Variants in SSBP3 observed in about 807,000 individuals in gnomAD.
The protein encoded by SSBP3 is single-stranded DNA-binding protein 3.
Under a neutral mutation model 69.6 loss-of-function variants are expected in SSBP3, and 5 were observed. The ratio of observed to expected loss-of-function variants is 0.07; its 90% CI spans 0.04 to 0.15. SSBP3 has a LOEUF of 0.15. Ranked by LOEUF, SSBP3 falls within the 10% of genes least tolerant of loss-of-function variation. The probability of loss-of-function intolerance (pLI) is 1.00; values close to 1 mark genes in which losing one functional copy is unlikely to be tolerated. For synonymous variants in SSBP3, 196 were observed against 193.4 expected, an observed-to-expected ratio of 1.01 and a Z score of -0.11; for missense variants, 312 against 534.0, an observed-to-expected ratio of 0.58 and a Z score of 4.10.
At chr1:54,242,632 C>G (rs1004754287) in intron 10 of SSBP3, among the ~76,000 whole-genome samples, 2 of 152,072 alleles carry the variant, frequency 1.3e-5, no homozygotes, top group African/African-American at 4.8e-5. Context: ...CCTTGGTGAC[C>G]TCATCTGTAA....
At chr1:54,228,699 G>A in intron 15 of SSBP3, 49 bp downstream of exon 15, 10 of 1,546,272 alleles carry the variant, frequency 6.5e-6, no homozygotes, top group African/African-American at 1.4e-5. Flanking sequence ...GAGGCACAGA[G>A]CTGGCTGCCC....
At chr1:54,245,512 T>C (rs943463541) in intron 9 of SSBP3, among the ~76,000 whole-genome samples, 7 of 152,108 alleles carry the variant, frequency 4.6e-5, no homozygotes, top group Non-Finnish European at 8.8e-5. Context: ...CATCCAGGGA[T>C]CATCTTCCAA....
intron 4 of SSBP3, among the ~76,000 whole-genome samples, chr1:54,342,992 G>A (rs1028772995): frequency 6.6e-6 from 1 of 152,168 alleles, no homozygotes; most frequent in Non-Finnish European, 1.5e-5. Flanking sequence ...AGCAAAACAC[G>A]CCAGCCGGGA....
At chr1:54,291,010 A>G (rs1348956421) in intron 4 of SSBP3, among the ~76,000 whole-genome samples, 1 of 152,228 alleles carries the variant, frequency 6.6e-6, no homozygotes, top group Non-Finnish European at 1.5e-5. Context: ...GGCCAGTGAC[A>G]GCTCCTTAAC....
chr1:54,367,269 C>T (rs1309421131), intron 4 of SSBP3, among the ~76,000 whole-genome samples: 3 of 152,180 alleles, frequency 2.0e-5, no homozygotes, highest in Admixed American at 6.5e-5. Flanking sequence ...CTGATACTCA[C>T]CTTCTGAGAA....
intron 4 of SSBP3, among the ~76,000 whole-genome samples, chr1:54,316,709 T>TAAAA (rs200426753): frequency 8.8e-6 from 1 of 113,392 alleles, no homozygotes; most frequent in Non-Finnish European, 1.7e-5. Context: ...AATAAATAAA[T>TAAAA]AAAATAAAAT....
At chr1:54,271,815 G>A (rs1051629005) in intron 5 of SSBP3, among the ~76,000 whole-genome samples, 2 of 152,002 alleles carry the variant, frequency 1.3e-5, no homozygotes, top group East Asian at 1.9e-4. Context: ...TGTCCTCTAG[G>A]CTGGCATGCA....
At chr1:54,349,082 C>A (rs535655899) in intron 4 of SSBP3, among the ~76,000 whole-genome samples, 2 of 152,324 alleles carry the variant, frequency 1.3e-5, no homozygotes, top group African/African-American at 2.4e-5. Flanking sequence ...ATGACAATTA[C>A]CTGTCTGAAC....
intron 4 of SSBP3, among the ~76,000 whole-genome samples, chr1:54,340,823 AGTAGG>A (rs1363394456): frequency 2.0e-5 from 3 of 152,240 alleles, no homozygotes; most frequent in Non-Finnish European, 4.4e-5. Flanking sequence ...GGCTCCTACA[AGTAGG>A]TACAGCCCCA....
intron 4 of SSBP3, among the ~76,000 whole-genome samples, chr1:54,305,669 C>T (rs1425793892): frequency 6.6e-6 from 1 of 151,352 alleles, no homozygotes; most frequent in Non-Finnish European, 1.5e-5. Context: ...CATTATGTTG[C>T]CCAGGCTGGT....
chr1:54,368,388 G>T (rs1018439743), intron 4 of SSBP3, among the ~76,000 whole-genome samples: 1 of 151,824 alleles, frequency 6.6e-6, no homozygotes, highest in Non-Finnish European at 1.5e-5. Flanking sequence ...GAAAAACAGG[G>T]GCTCTCAAGG....
chr1:54,389,161 GTCTCA>G (rs1453680452), intron 4 of SSBP3, among the ~76,000 whole-genome samples: 1 of 152,134 alleles, frequency 6.6e-6, no homozygotes. Context: ...TGATGAGAAA[GTCTCA>G]TCAGCAGCTA....
intron 9 of SSBP3, among the ~76,000 whole-genome samples, chr1:54,244,823 C>T (rs1480554878): frequency 1.3e-5 from 2 of 152,168 alleles, no homozygotes; most frequent in Non-Finnish European, 2.9e-5. Context: ...TGACCCCACC[C>T]CTTCGGGCTG....
Position 54,330,081 on chromosome 1 carries a change from T to C in SSBP3, c.277-48554A>G, listed in dbSNP as rs187115294. Among the ~76,000 whole-genome samples the C allele has an allele frequency of 1.4e-3, 207 of 152,118 alleles. 2 individuals are homozygous for C. In the South Asian group the frequency reaches 0.016, roughly 11 times the overall value. On this transcript the variant is annotated intron_variant, in intron 4 of 17. Coordinates refer to ENST00000610401, the Ensembl canonical transcript of SSBP3. Reference sequence around the variant, plus strand: ...GGATATTATATGGTCCCCTAATACATACACACAAGAGCCTTGAGCCCAAGA... The same window carrying C: ...GGATATTATATGGTCCCCTAATACACACACACAAGAGCCTTGAGCCCAAGA...
exon 18 of SSBP3, chr1:54,225,586 C>A: frequency 4.5e-6 from 2 of 442,742 alleles, no homozygotes; most frequent in Non-Finnish European, 3.6e-6. Flanking sequence ...CCCAATAATC[C>A]GCACAAAGTC....
At chr1:54,261,364 A>C (rs529919606) in intron 5 of SSBP3, among the ~76,000 whole-genome samples, 21 of 152,348 alleles carry the variant, frequency 1.4e-4, no homozygotes, top group Non-Finnish European at 2.4e-4. Context: ...GGTTTGAAGA[A>C]GACGGACTTT....
intron 4 of SSBP3, among the ~76,000 whole-genome samples, chr1:54,361,998 G>A (rs1472290755): frequency 6.6e-6 from 1 of 152,200 alleles, no homozygotes; most frequent in Non-Finnish European, 1.5e-5. Context: ...GTTCAGGAAG[G>A]AGAGGTATTA....
intron 5 of SSBP3, among the ~76,000 whole-genome samples, chr1:54,262,284 G>C (rs941230380): frequency 6.6e-6 from 1 of 152,172 alleles, no homozygotes; most frequent in Non-Finnish European, 1.5e-5. Flanking sequence ...AAAGATAAAG[G>C]CACTCCAGGA....
At chr1:54,232,328 G>A (rs1644393925) in intron 14 of SSBP3, among the ~76,000 whole-genome samples, 1 of 152,152 alleles carries the variant, frequency 6.6e-6, no homozygotes, top group East Asian at 1.9e-4. Flanking sequence ...ATGAGGTCTT[G>A]CTCTGTCACC....
Sources: allele counts gnomAD v4.1 joint callset (sites outside exome capture counted in the v4.1 genomes callset), GRCh38; gene constraint gnomAD v4.1.1; transcripts MANE v1.5; gene names NCBI Gene and HGNC (gene_info 2026-07-23, HGNC 2026-07-21).